The following GTF2A1L variants were observed in gnomAD, a reference collection of about 807,000 sequenced individuals.
GTF2A1L encodes the protein TFIIA-alpha and beta-like factor.
Under a neutral mutation model 49.7 loss-of-function variants are expected in GTF2A1L, and 48 were observed. The ratio of observed to expected loss-of-function variants is 0.97; its 90% CI spans 0.77 to 1.23. The LOEUF (loss-of-function observed/expected upper bound fraction) is 1.23. Ranked by LOEUF, GTF2A1L falls within the 50% of genes most tolerant of loss-of-function variation. The probability of loss-of-function intolerance (pLI) is 0.00; values close to 1 mark genes in which losing one functional copy is unlikely to be tolerated. For missense variants in GTF2A1L, 736 were observed against 564.8 expected (o/e 1.30, Z -3.07); for synonymous variants, 246 against 193.5 (o/e 1.27, Z -2.25).
In GTF2A1L at chr2:48,629,239, T is replaced by G. The variant is rs1158599947; in HGVS notation, c.247+7949T>G. On this transcript the variant is annotated intron_variant, in intron 3 of 8. Transcript: ENST00000403751. ...CTGGGCAACAGAGCGAGACTCCGTC[T>G]CAAAAAAAAAAAAAGTGACTTTATT... Among the ~76,000 whole-genome samples, 2 of 137,498 alleles carry G rather than the reference T, an allele frequency of 1.5e-5. 1 individual carries two copies. Among genetic ancestry groups the G allele is most frequent in the African/African-American group, 5.2e-5 (2 of 38,494 alleles). 90.2% of individuals were successfully genotyped at this position (137,498 alleles called of 152,430 possible).
At position 48,620,918 on chromosome 2, in the gene GTF2A1L, G is replaced by A. The variant is rs200375482; in HGVS notation, c.89G>A (p.Gly30Asp). 1.9e-6 allele frequency: 3 copies of A among 1,607,574 alleles called. No homozygotes were observed. Among genetic ancestry groups the A allele is most frequent in the East Asian group, 2.2e-5 (1 of 44,492 alleles). ...EGVRNLFAEE[G>D]IEEQVLKDLK... ...GTTCGGAATCTATTTGCTGAAGAAG[G>A]TATAGAGGAACAAGTTTTAAAAGAC... Residue 30 changes from glycine to aspartate, a missense_variant, in exon 2 of 9, where the codon GGT (glycine) becomes GAT (aspartate). Transcript: ENST00000403751.
intron 3 of GTF2A1L, among the ~76,000 whole-genome samples, chr2:48,631,969 G>C (rs1439571604): frequency 6.6e-6 from 1 of 152,124 alleles, no homozygotes; most frequent in East Asian, 1.9e-4. Flanking sequence ...GTGTGATTTG[G>C]AAAAATCTTG....
intron 3 of GTF2A1L, among the ~76,000 whole-genome samples, chr2:48,640,993 T>G (rs1483000065): frequency 6.6e-6 from 1 of 152,166 alleles, no homozygotes; most frequent in Non-Finnish European, 1.5e-5. Flanking sequence ...TAAAGAAACT[T>G]TAAAAACTCT....
At position 48,623,147 on chromosome 2, in the gene GTF2A1L, A is replaced by C. The variant is rs552948511; in HGVS notation, c.247+1857A>C. ...CTTGTTCCTGTCTCTCTTCATCTTT[A>C]GGTACCAAACAGTAAGATTCTTGAA... On this transcript the variant is annotated intron_variant, in intron 3 of 8. Coordinates refer to ENST00000403751, the MANE Select transcript of GTF2A1L (RefSeq NM_006872.5). 2.7e-3 allele frequency among the ~76,000 whole-genome samples: 410 copies of C among 152,310 alleles called. 2 individuals are homozygous for C. Among genetic ancestry groups the C allele is most frequent in the Non-Finnish European group, 5.2e-3 (354 of 68,020 alleles).
chr2:48,646,025 C>T (rs1356020825), intron 5 of GTF2A1L, among the ~76,000 whole-genome samples: 1 of 151,240 alleles, frequency 6.6e-6, no homozygotes, highest in Non-Finnish European at 1.5e-5. Context: ...AATCATTAAA[C>T]TCTCTTTTGG....
intron 6 of GTF2A1L, among the ~76,000 whole-genome samples, chr2:48,662,440 T>C (rs1678564469): frequency 6.6e-6 from 1 of 152,102 alleles, no homozygotes. Context: ...GTAGGGAAAA[T>C]CTAACTATAA....
chr2:48,632,974 T>A (rs1302738219), intron 3 of GTF2A1L: 1 of 210,150 alleles, frequency 4.8e-6, no homozygotes, highest in Non-Finnish European at 1.0e-5. Flanking sequence ...TGGTAGTTGT[T>A]GAAATTAGTA....
In GTF2A1L at chr2:48,646,763, G is replaced by A; in HGVS notation, c.699G>A (p.Leu233=). The A allele has an allele frequency of 6.2e-7, 1 of 1,614,170 alleles. No homozygotes were observed. Among genetic ancestry groups the A allele is most frequent in the South Asian group, 1.1e-5 (1 of 91,080 alleles). ...NEHKIVPEAL[L]CHQESSHYIS... is the part of the protein sequence containing the mutation. Reference sequence around the variant, plus strand: ...ATAAAATCGTGCCTGAAGCTTTGTTGTGTCATCAGGAAAGTTCTCACTATA... The same window carrying A: ...ATAAAATCGTGCCTGAAGCTTTGTTATGTCATCAGGAAAGTTCTCACTATA... The change falls in exon 6 of 9, where the codon TTG becomes TTA. Residue 233 remains leucine, a synonymous_variant. Transcript: ENST00000403751.
At chr2:48,644,135 C>T (rs1274784496) in intron 4 of GTF2A1L, among the ~76,000 whole-genome samples, 1 of 152,154 alleles carries the variant, frequency 6.6e-6, no homozygotes, top group Non-Finnish European at 1.5e-5. Context: ...TGCACCACTG[C>T]TCTTCAGCCT....
rs189824822 is a variant in GTF2A1L, at chr2:48,630,771, A to G, written c.247+9481A>G. 5.2e-4 allele frequency among the ~76,000 whole-genome samples: 54 copies of G among 104,622 alleles called. 4 individuals are homozygous for G. Among genetic ancestry groups the G allele is most frequent in the African/African-American group, 1.4e-3 (49 of 34,716 alleles). The allele number at this position is 104,622 out of a possible 152,430, so 68.6% of individuals were successfully genotyped here. ...GTCATAGATGGCTCTTATTATTTTG[A>G]GGTATGTTCCCTCAATGCCTAGTTT... On this transcript the variant is annotated intron_variant, in intron 3 of 8. Coordinates refer to ENST00000403751, the MANE Select transcript of GTF2A1L (RefSeq NM_006872.5).
Position 48,642,452 on chromosome 2 carries a change from G to C in GTF2A1L, c.298G>C (p.Glu100Gln). The C allele has an allele frequency of 6.3e-7, 1 of 1,588,598 alleles. No homozygotes were observed. The highest frequency in any genetic ancestry group is 1.2e-5 in the South Asian group (1 of 85,752). ...AACTCTTCCAAGTTTTACCACAGCA[G>C]AACTGGTATGTAGCTTACTTAAAAT... is the stretch of plus-strand genomic sequence containing the variant. The part of the protein sequence containing the change: ...GRTLPSFTTA[E>Q]LGTSNSSANF... The change falls in exon 4 of 9, where the codon GAA becomes CAA. Residue 100 changes from glutamate (E) to glutamine (Q), a missense_variant. Physicochemically the swap from Glu to Gln is conservative, Grantham distance 29. Coordinates refer to ENST00000403751, the MANE Select transcript of GTF2A1L (RefSeq NM_006872.5).
Position 48,646,467 on chromosome 2 carries a change from G to A in GTF2A1L, c.403G>A (p.Val135Ile). The change falls in exon 6 of 9, where the codon GTC (valine) becomes ATC (isoleucine). Residue 135 changes from valine to isoleucine, a missense_variant. Val to Ile is a conservative substitution (Grantham distance 29). Transcript: ENST00000403751. ...TCCTTTTTAAGGTCACCTTTATAAA[G>A]TCAATGTACCAATTATGGTGACAGA... ...LQTVSGHLYK[V>I]NVPIMVTETS... The A allele has an allele frequency of 6.2e-7, 1 of 1,605,994 alleles. No homozygotes were observed. The highest frequency in any genetic ancestry group is 1.1e-5 in the South Asian group (1 of 89,702).
intron 3 of GTF2A1L, among the ~76,000 whole-genome samples, chr2:48,636,807 CTGGGACTGTCCTGGGCAAAT>C (rs1406947665): frequency 1.3e-5 from 2 of 152,112 alleles, no homozygotes; most frequent in African/African-American, 4.8e-5. Context: ...CAGGTGTAAA[CTGGGACTGTCCTGGGCAAAT>C]TGGGACGTGT....
intron 3 of GTF2A1L, among the ~76,000 whole-genome samples, chr2:48,634,128 A>G (rs1307269227): frequency 6.6e-6 from 1 of 151,936 alleles, no homozygotes. Flanking sequence ...TTTTGTTTTT[A>G]TTGAGAAGGA....
intron 3 of GTF2A1L, among the ~76,000 whole-genome samples, chr2:48,636,792 A>C (rs1340010696): frequency 6.6e-6 from 1 of 152,150 alleles, no homozygotes; most frequent in Non-Finnish European, 1.5e-5. Flanking sequence ...ATTACCTCAG[A>C]ATAACAGGTG....
Position 48,646,829 on chromosome 2 carries a change from A to G in GTF2A1L, c.765A>G (p.Gln255=), listed in dbSNP as rs752442825. 1.1e-5 allele frequency: 18 copies of G among 1,614,160 alleles called. No homozygotes were observed. The East Asian group carries it at 2.5e-4, about 22-fold the overall frequency. The change falls in exon 6 of 9, where the codon CAA becomes CAG. Residue 255 remains glutamine, a synonymous_variant. Transcript: ENST00000403751. ...TTGTATTTTCTCCACAGGTCTCTCAAACAAATTCTAATGTGGAGTCAGTGC... is the reference window on the plus strand; with the variant it reads ...TTGTATTTTCTCCACAGGTCTCTCAGACAAATTCTAATGTGGAGTCAGTGC... ...PGVVFSPQVS[Q]TNSNVESVLS...
intron 8 of GTF2A1L, among the ~76,000 whole-genome samples, chr2:48,674,314 A>G (rs1475617416): frequency 6.6e-6 from 1 of 152,154 alleles, no homozygotes; most frequent in African/African-American, 2.4e-5. Flanking sequence ...GTGAAATGGT[A>G]TATCATTGCG....
intron 1 of GTF2A1L, among the ~76,000 whole-genome samples, chr2:48,619,418 C>A (rs566208366): frequency 6.8e-4 from 103 of 150,898 alleles, no homozygotes; most frequent in Middle Eastern, 3.4e-3. Flanking sequence ...TGCAGTGGGC[C>A]CAGATTGTGC....
rs762816185 is a variant in GTF2A1L, at chr2:48,645,058, T to C, written c.329T>C (p.Phe110Ser). The change falls in exon 5 of 9, where the codon TTT becomes TCT. Residue 110 changes from phenylalanine (F) to serine (S), a missense_variant. Coordinates refer to ENST00000403751, the MANE Select transcript of GTF2A1L (RefSeq NM_006872.5). Reference sequence around the variant, plus strand: ...GGCACTTCAAACTCCAGTGCAAACTTTACTTTTCCTGGTTATCCCATTCAT... The same window carrying C: ...GGCACTTCAAACTCCAGTGCAAACTCTACTTTTCCTGGTTATCCCATTCAT... ...ELGTSNSSAN[F>S]TFPGYPIHVP... 3.1e-6 allele frequency: 5 copies of C among 1,612,714 alleles called. No individual in the cohort carries two copies. In the South Asian group the frequency reaches 5.5e-5, roughly 18 times the overall value.
Sources: gnomAD v4.1 joint callset for allele counts (sites outside exome capture counted in the v4.1 genomes callset) on GRCh38, gnomAD v4.1.1 for gene constraint, MANE v1.5 for transcripts, NCBI Gene and HGNC (gene_info 2026-07-23, HGNC 2026-07-21) for gene names.